The following SLC6A16 variants were observed in gnomAD, a reference collection of about 807,000 sequenced individuals.
The protein encoded by SLC6A16 is orphan sodium- and chloride-dependent neurotransmitter transporter NTT5.
In SLC6A16, 54 loss-of-function variants were observed where a neutral mutation model predicts 65.4. That is an observed-to-expected ratio of 0.83 (90% CI 0.66 to 1.04). The LOEUF is 1.04. Among genes scored for constraint, SLC6A16 ranks in the 50% least tolerant of loss-of-function variants. The probability of loss-of-function intolerance (pLI) is 0.00; values close to 1 mark genes in which losing one functional copy is unlikely to be tolerated. For missense variants in SLC6A16, 816 were observed against 914.0 expected (o/e 0.89, Z 1.38); for synonymous variants, 330 against 346.5 (o/e 0.95, Z 0.53).
At position 49,321,507 on chromosome 19, in the gene SLC6A16, G is replaced by A. The variant is rs150134888; in HGVS notation, c.-65+3541C>T. 7.9e-3 allele frequency among the ~76,000 whole-genome samples: 1,200 copies of A among 152,086 alleles called. 22 individuals carry two copies. The highest frequency in any genetic ancestry group is 0.038 in the Middle Eastern group (11 of 292). ...TCCCAGCACTTTGGGAGGCCAAGGCGGGTGGATCACCTGAGGTCAGGAGTT... is the reference window on the plus strand; with the variant it reads ...TCCCAGCACTTTGGGAGGCCAAGGCAGGTGGATCACCTGAGGTCAGGAGTT... On this transcript the variant is annotated intron_variant, in intron 1 of 11. Coordinates refer to ENST00000335875, the MANE Select transcript of SLC6A16 (RefSeq NM_014037.3).
the SLC6A16 span, chr19:49,335,302 G>C: frequency 5.4e-6 from 3 of 557,596 alleles, no homozygotes; most frequent in Non-Finnish European, 9.6e-6. The surrounding 1 kb of genome is among the most constrained non-coding windows in gnomAD (Gnocchi z 4.6). Flanking sequence ...AGGTACCAGA[G>C]CATGTGTCCC....
In SLC6A16 at chr19:49,310,087, G is replaced by A. The variant is rs746695742; in HGVS notation, c.653C>T (p.Pro218Leu). 3.7e-6 allele frequency: 6 copies of A among 1,614,082 alleles called. No homozygotes were observed. The East Asian group carries it at 1.3e-4, about 36-fold the overall frequency. ...TAAGGGACATTTCTCCCATGGAACG[G>A]GAAACTGGAAGGACTGGCTCATGTA... ...IFYMSQSFQF[P>L]VPWEKCPLTM... Residue 218 changes from proline (P) to leucine (L), a missense_variant, in exon 4 of 12, where the codon CCC (proline) becomes CTC (leucine). Pro to Leu is a moderately conservative substitution (Grantham distance 98). Transcript: ENST00000335875.
At chr19:49,301,019 C>T (rs939568283) in intron 7 of SLC6A16, among the ~76,000 whole-genome samples, 4 of 152,020 alleles carry the variant, frequency 2.6e-5, no homozygotes, top group African/African-American at 9.7e-5. Context: ...CCACTGCACT[C>T]CAGCCTGGAA....
chr19:49,316,978 A>C (rs1970623267), intron 1 of SLC6A16, among the ~76,000 whole-genome samples: 1 of 151,994 alleles, frequency 6.6e-6, no homozygotes, highest in Non-Finnish European at 1.5e-5. Context: ...TCAAGGTTGC[A>C]GTGGGCTATG....
chr19:49,303,760 C>G (rs1389287147), intron 7 of SLC6A16, among the ~76,000 whole-genome samples: 1 of 152,052 alleles, frequency 6.6e-6, no homozygotes, highest in Non-Finnish European at 1.5e-5. Flanking sequence ...AGGTTTGGGG[C>G]ACAAAACTAT....
At position 49,317,532 on chromosome 19, in the gene SLC6A16, C is replaced by G. The variant is rs375085872; in HGVS notation, c.-64-6121G>C. 3.9e-5 allele frequency among the ~76,000 whole-genome samples: 6 copies of G among 152,100 alleles called. No homozygotes were observed. In the East Asian group the frequency reaches 1.2e-3, roughly 29 times the overall value. On this transcript the variant is annotated intron_variant, in intron 1 of 11. Coordinates refer to ENST00000335875, the MANE Select transcript of SLC6A16 (RefSeq NM_014037.3). The stretch of plus-strand genomic sequence containing the variant: ...TACAAAACTGTACAAATAGGCCAGG[C>G]GCCGTGGCTCACGCCTGTAATCCTA...
At position 49,302,038 on chromosome 19, in the gene SLC6A16, A is replaced by T. The variant is rs354012; in HGVS notation, c.1229+6838T>A. On this transcript the variant is annotated intron_variant, in intron 7 of 11. Coordinates refer to ENST00000335875, the MANE Select transcript of SLC6A16 (RefSeq NM_014037.3). The stretch of plus-strand genomic sequence containing the variant: ...CAACTGCCCACGTACATGCAGATGG[A>T]CTGACCTCTGTGGCCAGACTGCAGC... 6.6e-5 allele frequency among the ~76,000 whole-genome samples: 10 copies of T among 152,218 alleles called. No homozygotes were observed. In the East Asian group the frequency reaches 1.9e-3, roughly 29 times the overall value.
At chr19:49,339,694 A>T in the SLC6A16 span, 5 of 1,412,894 alleles carry the variant, frequency 3.5e-6, no homozygotes, top group Non-Finnish European at 3.7e-6. The surrounding 1 kb of genome is among the most constrained non-coding windows in gnomAD (Gnocchi z 4.5). Context: ...GCTACAGCGC[A>T]GGGCACTCCG....
chr19:49,338,781 G>T, the SLC6A16 span: 1 of 1,613,866 alleles, frequency 6.2e-7, no homozygotes, highest in Non-Finnish European at 8.5e-7. This position sits in a 1 kb window ranked among gnomAD's most constrained non-coding sequence, Gnocchi z 5.0. Flanking sequence ...GGCGCACCGC[G>T]TGCCCTGCTC....
intron 1 of SLC6A16, among the ~76,000 whole-genome samples, chr19:49,315,404 G>A (rs1035679664): frequency 4.6e-5 from 7 of 152,288 alleles, no homozygotes; most frequent in South Asian, 2.1e-4. Context: ...GTTGATGGGC[G>A]TCTCCCTGAG....
intron 1 of SLC6A16, chr19:49,312,633 AAGAGAGGAAG>A (rs756464048): frequency 3.0e-4 from 272 of 911,418 alleles, no homozygotes; most frequent in Non-Finnish European, 3.4e-4. Context: ...AGTTACATGA[AAGAGAGGAAG>A]AGAGAGGGGA....
chr19:49,339,358 T>G, the SLC6A16 span: 1 of 1,614,064 alleles, frequency 6.2e-7, no homozygotes. This position sits in a 1 kb window ranked among gnomAD's most constrained non-coding sequence, Gnocchi z 4.5. Context: ...CAGAAGTGGC[T>G]GCACAACAAC....
intron 7 of SLC6A16, among the ~76,000 whole-genome samples, chr19:49,303,340 A>T (rs1970322915): frequency 6.6e-6 from 1 of 152,176 alleles, no homozygotes; most frequent in South Asian, 2.1e-4. Context: ...AAAATCTGAC[A>T]ACCAAGAATA....
the SLC6A16 span, chr19:49,340,270 C>G: frequency 1.2e-6 from 2 of 1,613,784 alleles, no homozygotes; most frequent in Non-Finnish European, 1.7e-6. Context: ...ATGACGCTCT[C>G]GATATTCCTG....
the SLC6A16 span, chr19:49,331,975 T>C: frequency 1.6e-5 from 7 of 448,550 alleles, no homozygotes; most frequent in African/African-American, 6.0e-5. Flanking sequence ...GAAGGAGGGA[T>C]TGGTGTATTA....
In SLC6A16 at chr19:49,322,817, C is replaced by CTTTTTTTTTT. The variant is rs536909742; in HGVS notation, c.-65+2221_-65+2230dup. On this transcript the variant is annotated intron_variant, in intron 1 of 11. Transcript: ENST00000335875. ...CCAAAGCAATCTACAGAATTAGTAG[C>CTTTTTTTTTT]TTTTTTTTTTTTTTTTTTTTTTTTT... Among the ~76,000 whole-genome samples, 4 of 42,006 alleles carry CTTTTTTTTTT rather than the reference C, an allele frequency of 9.5e-5. 2 individuals are homozygous for CTTTTTTTTTT. The highest frequency in any genetic ancestry group is 1.8e-4 in the Non-Finnish European group (4 of 22,318). 27.6% of individuals were successfully genotyped at this position (42,006 alleles called of 152,430 possible). A position where few individuals can be genotyped will look rare whatever the true frequency, so the allele number is the denominator to read the frequency against.
At chr19:49,327,200 G>A (rs1006300811), upstream of SLC6A16, among the ~76,000 whole-genome samples, 1 of 151,656 alleles carries the variant, frequency 6.6e-6, no homozygotes, top group Admixed American at 6.6e-5. Context: ...TCAGCCTTCC[G>A]AGTAGCTGGG....
At chr19:49,337,767 A>G in the SLC6A16 span, 2 of 1,539,334 alleles carry the variant, frequency 1.3e-6, no homozygotes, top group Non-Finnish European at 1.7e-6. Context: ...ATAGTGGAAG[A>G]AACAGAAAGA....
At chr19:49,307,060 T>TTTTTTA (rs1041547416) in intron 7 of SLC6A16, among the ~76,000 whole-genome samples, 2 of 134,340 alleles carry the variant, frequency 1.5e-5, no homozygotes, top group African/African-American at 5.7e-5. Flanking sequence ...ACTTTTTTTT[T>TTTTTTA]TTTTTTGTTA....
Sources: gnomAD v4.1 joint callset for allele counts (sites outside exome capture counted in the v4.1 genomes callset) on GRCh38, gnomAD v4.1.1 for gene constraint, Gnocchi (gnomAD v3.1) non-coding constraint, MANE v1.5 for transcripts, NCBI Gene and HGNC (gene_info 2026-07-23, HGNC 2026-07-21) for gene names.